The following ZAN variants were observed in gnomAD, a reference collection of about 807,000 sequenced individuals.
The protein encoded by ZAN is zonadhesin.
ZAN carries 260 observed loss-of-function variants against 286.2 expected under a neutral mutation model. That is an observed-to-expected ratio of 0.91 (90% CI 0.82 to 1.01). ZAN has a LOEUF of 1.01. ZAN is among the 50% of genes least tolerant of loss of function. The pLI is 0.00. For synonymous variants in ZAN, 1,368 were observed against 1,417.5 expected, an observed-to-expected ratio of 0.97 and a Z score of 0.79; for missense variants, 3,410 against 3,639.2, an observed-to-expected ratio of 0.94 and a Z score of 1.62.
At chr7:100,750,197 C>T (rs570379138) in intron 11 of ZAN, among the ~76,000 whole-genome samples, 1 of 150,750 alleles carries the variant, frequency 6.6e-6, no homozygotes, top group South Asian at 2.1e-4. Context: ...AGTGCAGTGA[C>T]GTGATCTTGG....
chr7:100,760,355 G>C, intron 18 of ZAN, 36 bp from the exon 19 acceptor site: 1 of 1,607,382 alleles, frequency 6.2e-7, no homozygotes, highest in South Asian at 1.1e-5. Context: ...TTGACCCCCA[G>C]CTCTGTCTGT....
chr7:100,788,370 G>C (rs1306819138), intron 38 of ZAN, among the ~76,000 whole-genome samples: 1 of 151,792 alleles, frequency 6.6e-6, no homozygotes, highest in African/African-American at 2.4e-5. Flanking sequence ...GGGCAACATA[G>C]CAAGACGCAA....
intron 2 of ZAN, among the ~76,000 whole-genome samples, chr7:100,735,480 T>C (rs1807229041): frequency 7.4e-6 from 1 of 135,306 alleles, no homozygotes. Flanking sequence ...GGTGGGAGGA[T>C]TGCTGGAGCC....
intron 44 of ZAN, among the ~76,000 whole-genome samples, chr7:100,794,860 G>A (rs891468240): frequency 2.0e-5 from 3 of 150,438 alleles, no homozygotes; most frequent in Non-Finnish European, 4.4e-5. Flanking sequence ...AGAGAAGGGA[G>A]GAGGGGAGGG....
intron 18 of ZAN, 113 bp from the exon 19 acceptor site, chr7:100,760,278 T>C: frequency 7.1e-7 from 1 of 1,402,910 alleles, no homozygotes; most frequent in Admixed American, 2.0e-5. Context: ...GTGGATGAGA[T>C]TGTTAGGCCG....
intron 11 of ZAN, among the ~76,000 whole-genome samples, chr7:100,750,183 C>G (rs1223132893): frequency 6.6e-6 from 1 of 150,732 alleles, no homozygotes; most frequent in African/African-American, 2.4e-5. Flanking sequence ...TGTTGCCAGG[C>G]TGGAGTGCAG....
intron 9 of ZAN, among the ~76,000 whole-genome samples, chr7:100,747,849 G>C (rs1248010124): frequency 6.6e-6 from 1 of 151,786 alleles, no homozygotes; most frequent in African/African-American, 2.4e-5. Flanking sequence ...AAAATTAGGC[G>C]GGCACAGTGA....
chr7:100,795,171 C>T, intron 44 of ZAN, 25 bp from the exon 45 acceptor site: 6 of 1,600,628 alleles, frequency 3.7e-6, no homozygotes, highest in Non-Finnish European at 5.1e-6. Context: ...GGGCCCCCCT[C>T]CCACAACCCT....
intron 15 of ZAN, among the ~76,000 whole-genome samples, chr7:100,756,428 C>CAAAAA (rs111465837): frequency 7.0e-6 from 1 of 141,874 alleles, no homozygotes; most frequent in Non-Finnish European, 1.6e-5. Context: ...CACCCTGTCT[C>CAAAAA]AAAAAAAAAA....
At chr7:100,762,416 T>TAA in intron 20 of ZAN, 58 bp downstream of exon 20, 1 of 1,119,686 alleles carries the variant, frequency 8.9e-7, no homozygotes, top group Non-Finnish European at 1.2e-6. Context: ...TTCCTGGAAC[T>TAA]CTCTTTTTTT....
Position 100,752,038 on chromosome 7 carries a change from GA to G in ZAN, c.1938del (p.Lys646AsnfsTer355). The G allele has an allele frequency of 6.2e-7, 1 of 1,612,676 alleles. No homozygotes were observed. The highest frequency in any genetic ancestry group is 2.2e-5 in the East Asian group (1 of 44,828). ...IPSEKPTIPS[E>X]KPTISTEKPT... is the part of the protein sequence containing the mutation. The stretch of plus-strand genomic sequence containing the variant: ...CTCAGAAAAACCCACCATTCCCTCA[GA>G]AAAACCCACCATTTCCACAGAAAAA... On this transcript the variant is annotated frameshift_variant, in exon 14 of 48. Coordinates refer to ENST00000613979, the MANE Select transcript of ZAN (RefSeq NM_003386.3). LOFTEE classifies it high-confidence loss of function.
intron 7 of ZAN, among the ~76,000 whole-genome samples, chr7:100,743,184 C>T (rs1172843371): frequency 1.3e-5 from 2 of 151,696 alleles, no homozygotes; most frequent in Non-Finnish European, 2.9e-5. Context: ...TCACCATGCC[C>T]AGTTAATTTT....
At position 100,758,561 on chromosome 7, in the gene ZAN, A is replaced by G; in HGVS notation, c.3482A>G (p.Asp1161Gly). Residue 1161 changes from aspartate to glycine, a missense_variant, in exon 17 of 48, where the codon GAC (aspartate) becomes GGC (glycine). Asp to Gly is a moderately conservative substitution (Grantham distance 94). Around this residue, in one of 7 missense-constraint regions of ZAN, gnomAD observed 1,042 missense variants for 1,058.0 expected, o/e 0.98. Transcript: ENST00000613979. ...AGTATCLVYGDPHYVTFDGRH... is the reference protein window; with the variant it reads ...AGTATCLVYGGPHYVTFDGRH... ...ACTGCCACCTGCTTGGTCTACGGAG[A>G]CCCTCATTATGTCACCTTTGACGGG... The G allele has an allele frequency of 6.4e-7, 1 of 1,564,352 alleles. No homozygotes were observed. Among genetic ancestry groups the G allele is most frequent in the Non-Finnish European group, 8.7e-7 (1 of 1,154,456 alleles).
chr7:100,789,276 T>TGCGG lies in ZAN; in HGVS notation c.7287_7288insCGGG (p.Trp2430ArgfsTer13). 1 of 1,613,844 alleles carries TGCGG rather than the reference T, an allele frequency of 6.2e-7. No individual in the cohort carries two copies. Among genetic ancestry groups the TGCGG allele is most frequent in the Non-Finnish European group, 8.5e-7 (1 of 1,179,808 alleles). Reference sequence around the variant, plus strand: ...CCAAATGAACACCTGCGGGTCACCCTGTGGGGCCAACGGCTCTACCTGGTC... The same window carrying TGCGG: ...CCAAATGAACACCTGCGGGTCACCCTGCGGGTGGGGCCAACGGCTCTACCTGGTC... On this transcript the variant is annotated frameshift_variant, in exon 39 of 48. Transcript: ENST00000613979. LOFTEE classifies it high-confidence loss of function.
At chr7:100,776,667 T>G in intron 34 of ZAN, 103 bp downstream of exon 34, 2 of 676,952 alleles carry the variant, frequency 3.0e-6, no homozygotes, top group Non-Finnish European at 4.1e-6. Context: ...TCCCCTCCCC[T>G]TCCTTCCTTT....
At chr7:100,772,429 C>T (rs1292812995) in intron 29 of ZAN, among the ~76,000 whole-genome samples, 6 of 148,582 alleles carry the variant, frequency 4.0e-5, no homozygotes, top group East Asian at 4.2e-4. Context: ...AAACAAAAAA[C>T]AAGAGTGAAA....
intron 15 of ZAN, among the ~76,000 whole-genome samples, chr7:100,755,862 G>A (rs984161594): frequency 1.1e-4 from 16 of 152,174 alleles, no homozygotes; most frequent in African/African-American, 7.2e-5. Context: ...ATAAGTCACC[G>A]TGTCTGGCTG....
At chr7:100,740,300 T>TGTG (rs1807647838) in intron 7 of ZAN, among the ~76,000 whole-genome samples, 2 of 129,888 alleles carry the variant, frequency 1.5e-5, no homozygotes, top group African/African-American at 6.5e-5. Context: ...TTTATTTTTT[T>TGTG]TTTTTTAATT....
At chr7:100,760,567 ACTTCTTCCTGCTGCCTCTTCCTGCTGCCT>A (rs1340379595) in intron 19 of ZAN, 31 bp downstream of exon 19, 11 of 1,609,156 alleles carry the variant, frequency 6.8e-6, no homozygotes, top group East Asian at 2.2e-5. Context: ...GGCAGCTGCC[ACTTCTTCCTGCTGCCTCTTCCTGCTGCCT>A]CTTCTTCCTG....
Sources: gnomAD v4.1 joint callset for allele counts (sites outside exome capture counted in the v4.1 genomes callset) on GRCh38, gnomAD v4.1.1 for gene constraint, gnomAD v4.1.1 regional missense constraint, MANE v1.5 for transcripts, NCBI Gene and HGNC (gene_info 2026-07-23, HGNC 2026-07-21) for gene names.